ACP3: variants seen among roughly 807,000 people sequenced by gnomAD.
ACP3 encodes acid phosphatase 3.
ACP3 carries 38 observed loss-of-function variants against 45.6 expected under a neutral mutation model. The ratio of observed to expected loss-of-function variants is 0.83; its 90% CI spans 0.64 to 1.09. The LOEUF (loss-of-function observed/expected upper bound fraction) is 1.09, where lower values mean the gene tolerates loss of function less well. ACP3 is among the 50% of genes least tolerant of loss of function. The pLI, the probability that ACP3 is intolerant of heterozygous loss-of-function variation, is 0.00. For synonymous variants in ACP3, 162 were observed against 164.7 expected, an observed-to-expected ratio of 0.98 and a Z score of 0.13; for missense variants, 466 against 463.2, an observed-to-expected ratio of 1.01 and a Z score of -0.05.
intron 10 of ACP3, among the ~76,000 whole-genome samples, chr3:132,366,804 C>T (rs1241857889): frequency 6.6e-6 from 1 of 152,170 alleles, no homozygotes; most frequent in African/African-American, 2.4e-5. Flanking sequence ...AAGATCCCAA[C>T]CCCAATACAA....
intron 7 of ACP3, among the ~76,000 whole-genome samples, chr3:132,349,250 T>C (rs1449873709): frequency 2.0e-5 from 3 of 152,164 alleles, no homozygotes; most frequent in Non-Finnish European, 4.4e-5. Context: ...GGTGTTCAGA[T>C]GTGAAGTGTG....
At chr3:132,320,931 G>A (rs937033540) in intron 1 of ACP3, among the ~76,000 whole-genome samples, 1 of 152,174 alleles carries the variant, frequency 6.6e-6, no homozygotes, top group African/African-American at 2.4e-5. Flanking sequence ...GATTACAGGC[G>A]TGAGCCACTG....
intron 10 of ACP3, among the ~76,000 whole-genome samples, chr3:132,365,581 T>C (rs1938118589): frequency 6.6e-6 from 1 of 152,202 alleles, no homozygotes; most frequent in Non-Finnish European, 1.5e-5. Flanking sequence ...CTATCATCAT[T>C]AGAACTGTAG....
At chr3:132,332,057 G>T in intron 3 of ACP3, 135 bp from the exon 4 acceptor site, 1 of 1,048,344 alleles carries the variant, frequency 9.5e-7, no homozygotes. Context: ...CAAGTATTAT[G>T]ATTCTGATGT....
chr3:132,321,839 G>T (rs1239684716), intron 1 of ACP3, among the ~76,000 whole-genome samples: 2 of 152,162 alleles, frequency 1.3e-5, no homozygotes, highest in Non-Finnish European at 2.9e-5. Context: ...AGGAAAGGAA[G>T]TATATATGTT....
intron 9 of ACP3, among the ~76,000 whole-genome samples, chr3:132,354,864 G>C (rs1180971957): frequency 6.6e-6 from 1 of 151,962 alleles, no homozygotes; most frequent in African/African-American, 2.4e-5. Flanking sequence ...TAAACTCTTT[G>C]TACTCATCTT....
At chr3:132,363,062 A>G (rs1004600828), downstream of ACP3, among the ~76,000 whole-genome samples, 2 of 152,124 alleles carry the variant, frequency 1.3e-5, no homozygotes, top group Non-Finnish European at 2.9e-5. Context: ...AATATTTTAC[A>G]GTACAAAGGA....
intron 2 of ACP3, 61 bp from the exon 3 acceptor site, chr3:132,331,586 A>T: frequency 1.5e-6 from 2 of 1,340,596 alleles, no homozygotes; most frequent in Non-Finnish European, 2.1e-6. Context: ...ACAAATTTTT[A>T]TGATAGTGTG....
intron 7 of ACP3, among the ~76,000 whole-genome samples, chr3:132,348,464 G>A (rs1212536230): frequency 6.6e-6 from 1 of 152,080 alleles, no homozygotes; most frequent in Non-Finnish European, 1.5e-5. Flanking sequence ...AATCATGATA[G>A]TCACCCCTAA....
At chr3:132,332,565 T>G (rs1223195685) in intron 4 of ACP3, 2 of 514,250 alleles carry the variant, frequency 3.9e-6, no homozygotes, top group African/African-American at 3.8e-5. Context: ...CCACTTTGTT[T>G]TGCCACTCTT....
intron 7 of ACP3, 59 bp downstream of exon 7, chr3:132,345,118 A>G: frequency 2.0e-6 from 3 of 1,468,764 alleles, no homozygotes; most frequent in Non-Finnish European, 2.8e-6. Context: ...TCCAGGTCTG[A>G]GTCATTCCCT....
At chr3:132,321,741 A>G (rs1240975668) in intron 1 of ACP3, among the ~76,000 whole-genome samples, 2 of 152,270 alleles carry the variant, frequency 1.3e-5, no homozygotes, top group East Asian at 3.9e-4. Flanking sequence ...TTAGAAATTA[A>G]CAGAGGTATG....
chr3:132,349,013 A>ACACACACACACACACACACACACACACC (rs1394263295), intron 7 of ACP3, among the ~76,000 whole-genome samples: 2 of 151,912 alleles, frequency 1.3e-5, no homozygotes, highest in Non-Finnish European at 2.9e-5. Flanking sequence ...ACACACACAC[A>ACACACACACACACACACACACACACACC]CCCTAACACA....
chr3:132,355,109 G>A (rs73003113), intron 9 of ACP3, among the ~76,000 whole-genome samples: 1,951 of 152,296 alleles, frequency 0.013, 41 homozygotes, highest in African/African-American at 0.043. Context: ...TTGGACCTAC[G>A]GTTTCAAGAG....
chr3:132,325,135 C>T (rs779916445), intron 1 of ACP3, among the ~76,000 whole-genome samples: 3 of 152,280 alleles, frequency 2.0e-5, no homozygotes, highest in African/African-American at 4.8e-5. Flanking sequence ...AGAATGTCTT[C>T]GCATAGTCCA....
Position 132,358,439 on chromosome 3 carries a change from T to C in ACP3, c.*1561T>C, listed in dbSNP as rs1804131. On this transcript the variant is annotated 3_prime_UTR_variant, in exon 10 of 10. Coordinates refer to ENST00000336375, the MANE Select transcript of ACP3 (RefSeq NM_001099.5). ...CAGGTCCTGCTGAAACTGCCCACTC[T>C]GCAAGAAGAAATCATGATATAGCTT... The C allele has an allele frequency of 3.9e-6, 5 of 1,274,484 alleles. No individual in the cohort carries two copies. Among genetic ancestry groups the C allele is most frequent in the Non-Finnish European group, 5.1e-6 (5 of 980,192 alleles). 78.9% of individuals were successfully genotyped at this position (1,274,484 alleles called of 1,614,324 possible).
rs150035659 is a variant in ACP3 at position 132,354,340 on chromosome 3, C to T, written c.968+1517C>T. ...TTCTCAGTGCACAGAAGCATTTTCTCCCACTGAATTGCCTTGTTTTACGAC... is the reference window on the plus strand; with the variant it reads ...TTCTCAGTGCACAGAAGCATTTTCTTCCACTGAATTGCCTTGTTTTACGAC... On this transcript the variant is annotated intron_variant, in intron 9 of 9. Coordinates refer to ENST00000336375, the MANE Select transcript of ACP3 (RefSeq NM_001099.5). Among the ~76,000 whole-genome samples, 250 of 152,242 alleles carry T rather than the reference C, an allele frequency of 1.6e-3. 1 individual carries two copies. Among genetic ancestry groups the T allele is most frequent in the African/African-American group, 5.8e-3 (240 of 41,548 alleles).
intron 4 of ACP3, among the ~76,000 whole-genome samples, chr3:132,335,541 C>T (rs944076131): frequency 6.6e-6 from 1 of 151,968 alleles, no homozygotes; most frequent in Non-Finnish European, 1.5e-5. Flanking sequence ...TCCTGGCTCT[C>T]GTCAAGTTTA....
At chr3:132,356,663 T>G (rs1378458145) in intron 9 of ACP3, 23 bp from the exon 10 acceptor site, 15 of 1,612,996 alleles carry the variant, frequency 9.3e-6, no homozygotes, top group Non-Finnish European at 1.2e-5. Context: ...AACAGAGCTC[T>G]CTCCTCTGCC....
Sources: gnomAD v4.1 joint callset for allele counts (sites outside exome capture counted in the v4.1 genomes callset) on GRCh38, gnomAD v4.1.1 for gene constraint, MANE v1.5 for transcripts, NCBI Gene and HGNC (gene_info 2026-07-23, HGNC 2026-07-21) for gene names.